The following ALDH6A1 variants were observed in gnomAD, a reference collection of about 807,000 sequenced individuals.
ALDH6A1 encodes methylmalonate-semialdehyde/malonate-semialdehyde dehydrogenase [acylating], mitochondrial.
In ALDH6A1, 43 loss-of-function variants were observed where a neutral mutation model predicts 62.6. That is an observed-to-expected ratio of 0.69 (90% CI 0.54 to 0.89). ALDH6A1 has a LOEUF of 0.89. Among genes scored for constraint, ALDH6A1 ranks in the 40% least tolerant of loss-of-function variants. The pLI, the probability that ALDH6A1 is intolerant of heterozygous loss-of-function variation, is 0.00. For missense variants in ALDH6A1, 551 were observed against 661.3 expected (o/e 0.83, Z 1.83); for synonymous variants, 194 against 234.2 (o/e 0.83, Z 1.57).
chr14:74,060,638 G>C lies in ALDH6A1; in HGVS notation c.*4C>G, dbSNP rs1360248661. 1 of 1,599,198 alleles carries C rather than the reference G, an allele frequency of 6.3e-7. No homozygotes were observed. Among genetic ancestry groups the C allele is most frequent in the South Asian group, 1.1e-5 (1 of 90,766 alleles). ...GATGGAGTCAGTCTTAAACAAACTT[G>C]TTTCTAACGGCCCATGGTAGGCATG... On this transcript the variant is annotated 3_prime_UTR_variant, in exon 12 of 12. Transcript: ENST00000553458.
At chr14:74,073,659 G>A in intron 2 of ALDH6A1, among the ~76,000 whole-genome samples, 1 of 151,390 alleles carries the variant, frequency 6.6e-6, no homozygotes, top group African/African-American at 2.4e-5. Context: ...GCTCACGCCT[G>A]TAATCCCAGC....
Position 74,066,711 on chromosome 14 carries a change from A to G in ALDH6A1, c.1218T>C (p.Asn406=). 6.2e-7 allele frequency: 1 copy of G among 1,614,104 alleles called. No individual in the cohort carries two copies. The highest frequency in any genetic ancestry group is 1.3e-5 in the African/African-American group (1 of 75,034). The change falls in exon 9 of 12, where the codon AAT becomes AAC. Residue 406 remains asparagine (N), a synonymous_variant. Coordinates refer to ENST00000553458, the MANE Select transcript of ALDH6A1 (RefSeq NM_005589.4). ...TGAAGTGAAAGTTGTTCACCTTGAC[A>G]TTCGAGATGATGGTTGGTCCAACAA... ...GNFVGPTIIS[N]VKPNMTCYKE...
intron 6 of ALDH6A1, chr14:74,070,579 T>G (rs960504530): frequency 6.4e-6 from 1 of 155,386 alleles, no homozygotes; most frequent in Admixed American, 6.3e-5. Flanking sequence ...TCAGACACTA[T>G]TGTGTTCTCA....
rs8204 is a variant in ALDH6A1, at chr14:74,060,487, A to G, written c.*155T>C. The G allele has an allele frequency of 0.21, 141,864 of 690,592 alleles. 17,124 individuals are homozygous for G. The highest frequency in any genetic ancestry group is 0.43 in the South Asian group (27,822 of 64,840). 42.8% of individuals were successfully genotyped at this position (690,592 alleles called of 1,614,324 possible). Reference sequence around the variant, plus strand: ...TCATTGTTACACTAGGCAGTTCCCTATAGAAACTTTGCGGGGGTTAATAGT... The same window carrying G: ...TCATTGTTACACTAGGCAGTTCCCTGTAGAAACTTTGCGGGGGTTAATAGT... On this transcript the variant is annotated 3_prime_UTR_variant, in exon 12 of 12. Transcript: ENST00000553458.
At chr14:74,081,732 C>G (rs1276585866) in intron 1 of ALDH6A1, among the ~76,000 whole-genome samples, 1 of 152,282 alleles carries the variant, frequency 6.6e-6, no homozygotes, top group Non-Finnish European at 1.5e-5. Context: ...CCAGATACTC[C>G]TATTGTTTAT....
intron 11 of ALDH6A1, among the ~76,000 whole-genome samples, chr14:74,061,108 G>C (rs1331275632): frequency 6.6e-6 from 1 of 151,528 alleles, no homozygotes; most frequent in East Asian, 1.9e-4. Flanking sequence ...CTCTCGAGTA[G>C]CTGGGATTAC....
intron 2 of ALDH6A1, among the ~76,000 whole-genome samples, chr14:74,074,225 C>T (rs1377719198): frequency 6.6e-6 from 1 of 151,914 alleles, no homozygotes; most frequent in Admixed American, 6.6e-5. Context: ...AATCCACCTG[C>T]CTCAGCCTCC....
At chr14:74,071,143 C>G (rs565059310) in intron 6 of ALDH6A1, 52 bp downstream of exon 6, 2 of 1,536,712 alleles carry the variant, frequency 1.3e-6, no homozygotes, top group African/African-American at 1.4e-5. Context: ...TCACTCAACA[C>G]CTTGATTTTT....
rs552205793 is a variant in ALDH6A1 at position 74,073,412 on chromosome 14, T to A, written c.112-801A>T. Among the ~76,000 whole-genome samples, 25 of 142,792 alleles carry A rather than the reference T, an allele frequency of 1.8e-4. No individual in the cohort carries two copies. The South Asian group carries it at 5.2e-3, about 30-fold the overall frequency. 93.7% of individuals were successfully genotyped at this position (142,792 alleles called of 152,430 possible). A position where few individuals can be genotyped will look rare whatever the true frequency, so the allele number is the denominator to read the frequency against. ...GAGTCATCGTGCCCAGACTATAGTA[T>A]ATATTAAGATGTGGCACAGCCTCTC... On this transcript the variant is annotated intron_variant, in intron 2 of 11. Coordinates refer to ENST00000553458, the MANE Select transcript of ALDH6A1 (RefSeq NM_005589.4).
Position 74,079,287 on chromosome 14 carries a change from C to T in ALDH6A1, c.49-4270G>A, listed in dbSNP as rs559419807. On this transcript the variant is annotated intron_variant, in intron 1 of 11. Coordinates refer to ENST00000553458, the MANE Select transcript of ALDH6A1 (RefSeq NM_005589.4). ...CGTTCAGGAATTTGAGACCTGCCTGCACTCAATGGAGTACAATGGCGCAAT... is the reference window on the plus strand; with the variant it reads ...CGTTCAGGAATTTGAGACCTGCCTGTACTCAATGGAGTACAATGGCGCAAT... Among the ~76,000 whole-genome samples the T allele has an allele frequency of 8.6e-5, 13 of 151,756 alleles. No homozygotes were observed. The South Asian group carries it at 2.7e-3, about 31-fold the overall frequency.
Position 74,057,149 on chromosome 14 carries a change from A to G in ALDH6A1, c.*3493T>C, listed in dbSNP as rs1236563385. 1.9e-6 allele frequency: 3 copies of G among 1,611,366 alleles called. No individual in the cohort carries two copies. The Admixed American group carries it at 5.0e-5, about 27-fold the overall frequency. ...TTATTTTGTCATTATTGCAGGGATG[A>G]AAGTAAGCTTCAAGATAAAATCTTC... On this transcript the variant is annotated 3_prime_UTR_variant, in exon 12 of 12. Transcript: ENST00000553458.
chr14:74,072,836 C>A (rs945301545), intron 2 of ALDH6A1, among the ~76,000 whole-genome samples: 2 of 151,874 alleles, frequency 1.3e-5, no homozygotes, highest in Admixed American at 6.6e-5. Flanking sequence ...TCGCTCTTGT[C>A]CCCCAGTCTG....
intron 7 of ALDH6A1, among the ~76,000 whole-genome samples, chr14:74,068,464 T>C (rs1173926379): frequency 6.7e-6 from 1 of 149,562 alleles, no homozygotes; most frequent in African/African-American, 2.5e-5. Context: ...TTCAGGAGGA[T>C]ATGGTAAGGC....
At chr14:74,061,643 T>C (rs540868431) in intron 11 of ALDH6A1, among the ~76,000 whole-genome samples, 29 of 152,274 alleles carry the variant, frequency 1.9e-4, no homozygotes, top group East Asian at 1.2e-3. Context: ...CTGATAATTA[T>C]CAGAGATCAT....
chr14:74,080,791 T>C (rs546341266), intron 1 of ALDH6A1, among the ~76,000 whole-genome samples: 1 of 152,292 alleles, frequency 6.6e-6, no homozygotes, highest in South Asian at 2.1e-4. Context: ...TCAGAGGGTC[T>C]TTCTGAAACA....
Position 74,057,047 on chromosome 14 carries a change from T to C in ALDH6A1, c.*3595A>G, listed in dbSNP as rs1302723311. ...CGATGGTTCTTGTGGGCATCTTGAA[T>C]GTGCTAATTGAAAGTAATATGACAA... is the stretch of plus-strand genomic sequence containing the variant. On this transcript the variant is annotated 3_prime_UTR_variant, in exon 12 of 12. Transcript: ENST00000553458. 6.3e-7 allele frequency: 1 copy of C among 1,588,382 alleles called. No homozygotes were observed. Among genetic ancestry groups the C allele is most frequent in the Non-Finnish European group, 8.6e-7 (1 of 1,160,576 alleles).
chr14:74,068,741 A>G lies in ALDH6A1; in HGVS notation c.852+119T>C, dbSNP rs2060507440. 22 of 1,283,540 alleles carry G rather than the reference A, an allele frequency of 1.7e-5. 1 individual carries two copies. In the South Asian group the frequency reaches 2.7e-4, roughly 16 times the overall value. The allele number at this position is 1,283,540 out of a possible 1,614,324, so 79.5% of individuals were successfully genotyped here. A position where few individuals can be genotyped will look rare whatever the true frequency, so the allele number is the denominator to read the frequency against. On this transcript the variant is annotated intron_variant, in intron 7 of 11. Coordinates refer to ENST00000553458, the MANE Select transcript of ALDH6A1 (RefSeq NM_005589.4). ...TTGGTGACAGAGAGACTCTGTCTCA[A>G]AAAAAAGAAAGAAACACTGACATTG... is the stretch of plus-strand genomic sequence containing the variant.
At chr14:74,067,129 A>C (rs1352658218) in intron 8 of ALDH6A1, among the ~76,000 whole-genome samples, 1 of 152,138 alleles carries the variant, frequency 6.6e-6, no homozygotes, top group Non-Finnish European at 1.5e-5. Flanking sequence ...CAGGAGGATC[A>C]CTTGAGCCCA....
chr14:74,057,461 G>C lies in ALDH6A1; in HGVS notation c.*3181C>G. ...ATATTATACTAATGCAAATGCAAATGTGTGCCTCTTTTTGTGTAGAAACCT... is the reference window on the plus strand; with the variant it reads ...ATATTATACTAATGCAAATGCAAATCTGTGCCTCTTTTTGTGTAGAAACCT... On this transcript the variant is annotated 3_prime_UTR_variant, in exon 12 of 12. Transcript: ENST00000553458. 6.9e-7 allele frequency: 1 copy of C among 1,453,736 alleles called. No individual in the cohort carries two copies. The highest frequency in any genetic ancestry group is 9.0e-7 in the Non-Finnish European group (1 of 1,106,262). 90.1% of individuals were successfully genotyped at this position (1,453,736 alleles called of 1,614,324 possible).
Sources: allele counts gnomAD v4.1 joint callset (sites outside exome capture counted in the v4.1 genomes callset), GRCh38; gene constraint gnomAD v4.1.1; transcripts MANE v1.5; gene names NCBI Gene and HGNC (gene_info 2026-07-23, HGNC 2026-07-21).